The following KRT38 variants were observed in gnomAD, a reference collection of about 807,000 sequenced individuals.
KRT38 encodes the protein keratin, type I cuticular Ha8.
KRT38 carries 45 observed loss-of-function variants against 43.1 expected under a neutral mutation model. The ratio of observed to expected loss-of-function variants is 1.04; its 90% confidence interval spans 0.82 to 1.34. The LOEUF (loss-of-function observed/expected upper bound fraction) is 1.34, where lower values mean the gene tolerates loss of function less well. KRT38 is among the 40% of genes most tolerant of loss of function. The pLI is 0.00. For synonymous variants in KRT38, 258 were observed against 244.0 expected (o/e 1.06, Z -0.53); for missense variants, 627 against 586.2 (o/e 1.07, Z -0.72).
chr17:41,438,156 A>G lies in KRT38; in HGVS notation c.1178T>C (p.Val393Ala), dbSNP rs1292874012. 6.2e-7 allele frequency: 1 copy of G among 1,614,132 alleles called. No homozygotes were observed. The change falls in exon 6 of 7, where the codon GTG (valine) becomes GCG (alanine). Residue 393 changes from valine to alanine, a missense_variant. Transcript: ENST00000246646. ...AATCTCATTCTCCAGCCGGGTCTTC[A>G]CGTCCAGCAGCACCTGGTACTCCTG... ...QNQEYQVLLD[V>A]KTRLENEIAT...
Position 41,440,341 on chromosome 17 carries a change from A to G in KRT38, c.492+89T>C, listed in dbSNP as rs1352170093. 15 of 1,597,544 alleles carry G rather than the reference A, an allele frequency of 9.4e-6. No individual in the cohort carries two copies. In the Admixed American group the frequency reaches 2.6e-4, roughly 27 times the overall value. ...TGATCATGTCCAAGAGAAACCAAGA[A>G]CCCAAAGTTCTCTGAGCTTTACATG... On this transcript the variant is annotated intron_variant, in intron 1 of 6. Coordinates refer to ENST00000246646, the MANE Select transcript of KRT38 (RefSeq NM_006771.4).
rs2018724546 is a variant in KRT38 at position 41,436,253 on chromosome 17, G to A, written c.*1159C>T. Among the ~76,000 whole-genome samples, 1 of 152,168 alleles carries A rather than the reference G, an allele frequency of 6.6e-6. No homozygotes were observed. The highest frequency in any genetic ancestry group is 2.4e-5 in the African/African-American group (1 of 41,432). On this transcript the variant is annotated 3_prime_UTR_variant, in exon 7 of 7. Transcript: ENST00000246646. ...ATGAACAATTGTTAATCTTGGGTAA[G>A]CATTTTGATTGGGAAAACAACAGAT...
At position 41,437,458 on chromosome 17, in the gene KRT38, G is replaced by A; in HGVS notation, c.1325C>T (p.Thr442Ile). The A allele has an allele frequency of 1.9e-6, 3 of 1,561,608 alleles. No homozygotes were observed. The highest frequency in any genetic ancestry group is 1.7e-6 in the Non-Finnish European group (2 of 1,160,608). ...APRPSCGPCT[T>I]CGPTCGASTT... ...GCTGGCTCCACAGGTGGGCCCACAG[G>A]TGGTGCAGGGGCCACAGCTTGGGCG... is the stretch of plus-strand genomic sequence containing the variant. Residue 442 changes from threonine (T) to isoleucine (I), a missense_variant, in exon 7 of 7, where the codon ACC (threonine) becomes ATC (isoleucine). Thr to Ile is a moderately conservative substitution (Grantham distance 89). Coordinates refer to ENST00000246646, the MANE Select transcript of KRT38 (RefSeq NM_006771.4).
At position 41,438,817 on chromosome 17, in the gene KRT38, C is replaced by G. The variant is rs773661121; in HGVS notation, c.774G>C (p.Arg258=). 1.2e-6 allele frequency: 2 copies of G among 1,614,182 alleles called. No homozygotes were observed. Among genetic ancestry groups the G allele is most frequent in the Admixed American group, 1.7e-5 (1 of 60,026 alleles). ...ILRSQLGEKL[R]IELDIEPTID... ...TGGTGGGCTCAATGTCCAGCTCAATCCGGAGCTTCTCCCCCAGCTGACTCC... is the reference window on the plus strand; with the variant it reads ...TGGTGGGCTCAATGTCCAGCTCAATGCGGAGCTTCTCCCCCAGCTGACTCC... Residue 258 remains arginine (R), a synonymous_variant, in exon 4 of 7, where the codon CGG becomes CGC. Transcript: ENST00000246646.
rs1393923600 is a variant in KRT38, at chr17:41,440,657, T to A, written c.265A>T (p.Ile89Phe). ...TCACCATAGGCCCCACAGATTCCAA[T>A]GTTGCCAGGAATGTGGCAGGTCCCT... is the stretch of plus-strand genomic sequence containing the variant. ...LPGTCHIPGN[I>F]GICGAYGENT... is the part of the protein sequence containing the mutation. Residue 89 changes from isoleucine to phenylalanine, a missense_variant, in exon 1 of 7, where the codon ATT becomes TTT. Transcript: ENST00000246646. 6.2e-7 allele frequency: 1 copy of A among 1,614,050 alleles called. No homozygotes were observed. Among genetic ancestry groups the A allele is most frequent in the African/African-American group, 1.3e-5 (1 of 74,930 alleles).
rs570504021 is a variant in KRT38 at position 41,440,769 on chromosome 17, A to C, written c.153T>G (p.His51Gln). 1 of 1,613,582 alleles carries C rather than the reference A, an allele frequency of 6.2e-7. No individual in the cohort carries two copies. Among genetic ancestry groups the C allele is most frequent in the Admixed American group, 1.7e-5 (1 of 60,018 alleles). The change falls in exon 1 of 7, where the codon CAT (histidine) becomes CAG (glutamine). Residue 51 changes from histidine (H) to glutamine (Q), a missense_variant. Coordinates refer to ENST00000246646, the MANE Select transcript of KRT38 (RefSeq NM_006771.4). ...TGGACCCCACACGGACTCGGTTGGC[A>C]TGTGCCACGTTGGCCAAAAGGCACA... ...APMCLLANVA[H>Q]ANRVRVGSTP...
rs187894389 is a variant in KRT38, at chr17:41,437,133, T to A, written c.*279A>T. On this transcript the variant is annotated 3_prime_UTR_variant, in exon 7 of 7. Transcript: ENST00000246646. ...GCAATTTTAAATCATGCCGTGTTCC[T>A]ACTCCAAAATGCTTTTCAACCTTAT... The A allele has an allele frequency of 2.7e-3, 908 of 336,468 alleles. 6 individuals are homozygous for A. Among genetic ancestry groups the A allele is most frequent in the Non-Finnish European group, 2.6e-3 (485 of 186,604 alleles). The allele number at this position is 336,468 out of a possible 1,614,324, so 20.8% of individuals were successfully genotyped here. A position where few individuals can be genotyped will look rare whatever the true frequency, so the allele number is the denominator to read the frequency against.
At chr17:41,437,886 G>A (rs528335621) in intron 6 of KRT38, among the ~76,000 whole-genome samples, 16 of 152,088 alleles carry the variant, frequency 1.1e-4, no homozygotes, top group Non-Finnish European at 2.1e-4. Context: ...AAGCAGCCCC[G>A]GTGGAGACCT....
chr17:41,440,472 G>C lies in KRT38; in HGVS notation c.450C>G (p.Asp150Glu). The change falls in exon 1 of 7, where the codon GAC becomes GAG. Residue 150 changes from aspartate (D) to glutamate (E), a missense_variant. Physicochemically the swap from Asp to Glu is conservative, Grantham distance 45 (BLOSUM62 2). Transcript: ENST00000246646. ...SKCHESTVCP[D>E]YQSYFHTIEE... Reference sequence around the variant, plus strand: ...CGATGGTGTGGAAGTAAGACTGGTAGTCGGGGCACACGGTGGACTCGTGGC... The same window carrying C: ...CGATGGTGTGGAAGTAAGACTGGTACTCGGGGCACACGGTGGACTCGTGGC... 2 of 1,614,250 alleles carry C rather than the reference G, an allele frequency of 1.2e-6. No individual in the cohort carries two copies. The highest frequency in any genetic ancestry group is 1.6e-4 in the Middle Eastern group (1 of 6,062).
Position 41,437,396 on chromosome 17 carries a change from G to A in KRT38, c.*16C>T. 6.5e-7 allele frequency: 1 copy of A among 1,540,796 alleles called. No individual in the cohort carries two copies. Among genetic ancestry groups the A allele is most frequent in the Non-Finnish European group, 8.7e-7 (1 of 1,149,888 alleles). On this transcript the variant is annotated 3_prime_UTR_variant, in exon 7 of 7. Transcript: ENST00000246646. The stretch of plus-strand genomic sequence containing the variant: ...GTATCCCTCGCCTTAGCCAGCCCCT[G>A]TGGGTCCACAGGAATTCAGAATCGG...
rs772445542 is a variant in KRT38 at position 41,437,451 on chromosome 17, C to A, written c.1332G>T (p.Gly444=). Residue 444 remains glycine, a synonymous_variant, in exon 7 of 7, where the codon GGG becomes GGT. Coordinates refer to ENST00000246646, the MANE Select transcript of KRT38 (RefSeq NM_006771.4). ...CGGTGGTGCTGGCTCCACAGGTGGGCCCACAGGTGGTGCAGGGGCCACAGC... is the reference window on the plus strand; with the variant it reads ...CGGTGGTGCTGGCTCCACAGGTGGGACCACAGGTGGTGCAGGGGCCACAGC... The part of the protein sequence containing the change: ...RPSCGPCTTC[G]PTCGASTTGS... 12 of 1,563,742 alleles carry A rather than the reference C, an allele frequency of 7.7e-6. No homozygotes were observed. Among genetic ancestry groups the A allele is most frequent in the Non-Finnish European group, 1.0e-5 (12 of 1,161,028 alleles).
chr17:41,440,767 G>A lies in KRT38; in HGVS notation c.155C>T (p.Ala52Val), dbSNP rs200153065. 1.2e-5 allele frequency: 19 copies of A among 1,613,570 alleles called. No homozygotes were observed. The South Asian group carries it at 1.4e-4, about 12-fold the overall frequency. Reference protein sequence around the residue: ...PMCLLANVAHANRVRVGSTPL... With the variant: ...PMCLLANVAHVNRVRVGSTPL... ...AGTGGACCCCACACGGACTCGGTTG[G>A]CATGTGCCACGTTGGCCAAAAGGCA... The change falls in exon 1 of 7, where the codon GCC (alanine) becomes GTC (valine). Residue 52 changes from alanine (A) to valine (V), a missense_variant. Transcript: ENST00000246646.
rs772255513 is a variant in KRT38, at chr17:41,438,510, C to T, written c.1001G>A (p.Arg334His). The part of the protein sequence containing the change: ...RCTVNALEVE[R>H]QAQHTLKDCL... ...ACGTACCAAGGTGTGCTGGGCTTGG[C>T]GCTCCACCTCCAGGGCATTCACCGT... The change falls in exon 5 of 7, where the codon CGC (arginine) becomes CAC (histidine). Residue 334 changes from arginine to histidine, a missense_variant. Arg to His is a conservative substitution (Grantham distance 29, BLOSUM62 0). Coordinates refer to ENST00000246646, the MANE Select transcript of KRT38 (RefSeq NM_006771.4). 6.2e-7 allele frequency: 1 copy of T among 1,614,116 alleles called. No homozygotes were observed.
Position 41,438,486 on chromosome 17 carries a change from C to A in KRT38, c.1020+5G>T, listed in dbSNP as rs200583404. ...TGCAGTGCAGTGAGAGTGAAGGACA[C>A]GTACCAAGGTGTGCTGGGCTTGGCG... On this transcript the variant is annotated splice_donor_5th_base_variant and intron_variant, in intron 5 of 6. Transcript: ENST00000246646. 1 of 1,614,228 alleles carries A rather than the reference C, an allele frequency of 6.2e-7. No individual in the cohort carries two copies. Among genetic ancestry groups the A allele is most frequent in the East Asian group, 2.2e-5 (1 of 44,888 alleles).
Position 41,438,272 on chromosome 17 carries a change from G to A in KRT38, c.1062C>T (p.Arg354=). Residue 354 remains arginine (R), a synonymous_variant, in exon 6 of 7, where the codon CGC becomes CGT. Coordinates refer to ENST00000246646, the MANE Select transcript of KRT38 (RefSeq NM_006771.4). The stretch of plus-strand genomic sequence containing the variant: ...GCATCTGGGCCAGCTCCGTGCCGAA[G>A]CGGTCCTCGGCTTCACACAGGGAGT... ...LQNSLCEAED[R]FGTELAQMQS... 1.2e-6 allele frequency: 2 copies of A among 1,614,198 alleles called. No homozygotes were observed. Among genetic ancestry groups the A allele is most frequent in the East Asian group, 2.2e-5 (1 of 44,892 alleles).
chr17:41,438,557 C>T lies in KRT38; in HGVS notation c.954G>A (p.Ser318=), dbSNP rs2071612. 0.16 allele frequency: 250,869 copies of T among 1,614,034 alleles called. 20,770 individuals carry two copies. The highest frequency in any genetic ancestry group is 0.18 in the Admixed American group (10,841 of 60,008). ...SCSEELQCCQ[S]EILELRCTVN... is the part of the protein sequence containing the mutation. ...CCGTGCATCTCAGCTCCAGGATCTC[C>T]GACTGGCAGCACTGCAGCTCCTCGG... Residue 318 remains serine, a synonymous_variant, in exon 5 of 7, where the codon TCG becomes TCA. Transcript: ENST00000246646.
At chr17:41,438,880 A>T in intron 3 of KRT38, 22 bp from the exon 4 acceptor site, 1 of 1,612,576 alleles carries the variant, frequency 6.2e-7, no homozygotes, top group Non-Finnish European at 8.5e-7. Context: ...AGGAAGGGAC[A>T]GACAGCCTGC....
Position 41,440,817 on chromosome 17 carries a change from C to T in KRT38, c.105G>A (p.Gly35=). The change falls in exon 1 of 7, where the codon GGG becomes GGA. Residue 35 remains glycine (G), a synonymous_variant. Transcript: ENST00000246646. ...ACATGGGGGCAATGTTGGCCTCTGC[C>T]CCAGGCTGGCACCCAATGTCGATGG... ...VSPIDIGCQP[G]AEANIAPMCL... 6.2e-7 allele frequency: 1 copy of T among 1,610,024 alleles called. No homozygotes were observed. The highest frequency in any genetic ancestry group is 2.2e-5 in the East Asian group (1 of 44,870).
At chr17:41,437,604 G>C in intron 6 of KRT38, 63 bp from the exon 7 acceptor site, 3 of 1,500,486 alleles carry the variant, frequency 2.0e-6, no homozygotes, top group Non-Finnish European at 2.7e-6. Flanking sequence ...AGTGCCATGT[G>C]GGGGCATGAG....
Sources: allele counts gnomAD v4.1 joint callset (sites outside exome capture counted in the v4.1 genomes callset), GRCh38; gene constraint gnomAD v4.1.1; transcripts MANE v1.5; gene names NCBI Gene and HGNC (gene_info 2026-07-23, HGNC 2026-07-21).